CEP295: variants seen among roughly 807,000 people sequenced by gnomAD.
The protein encoded by CEP295 is centrosomal protein of 295 kDa.
CEP295 carries 190 observed loss-of-function variants against 291.6 expected under a neutral mutation model. The ratio of observed to expected loss-of-function variants is 0.65; its 90% CI spans 0.58 to 0.73. CEP295 has a LOEUF of 0.73. Ranked by LOEUF, CEP295 falls within the 30% of genes least tolerant of loss-of-function variation. CEP295 has a pLI of 0.00. For synonymous variants in CEP295, 993 were observed against 1,038.8 expected (o/e 0.96, Z 0.85); for missense variants, 2,863 against 2,949.4 (o/e 0.97, Z 0.68).
intron 5 of CEP295, among the ~76,000 whole-genome samples, chr11:93,675,126 G>A (rs892533649): frequency 4.6e-5 from 7 of 152,086 alleles, no homozygotes; most frequent in Non-Finnish European, 7.4e-5. Context: ...TTCAAAATAC[G>A]TCATTAAACA....
At position 93,728,568 on chromosome 11, in the gene CEP295, T is replaced by C. The variant is rs570829380; in HGVS notation, c.7162-113T>C. 107 of 814,234 alleles carry C rather than the reference T, an allele frequency of 1.3e-4. No homozygotes were observed. The African/African-American group carries it at 1.8e-3, about 14-fold the overall frequency. The allele number at this position is 814,234 out of a possible 1,614,324, so 50.4% of individuals were successfully genotyped here. A position where few individuals can be genotyped will look rare whatever the true frequency, so the allele number is the denominator to read the frequency against. The stretch of plus-strand genomic sequence containing the variant: ...CTTTGCCAATCATTGCTTTTCTTCC[T>C]CCATTTTCACATTTATATACACTTG... On this transcript the variant is annotated intron_variant, in intron 24 of 29. Transcript: ENST00000325212.
chr11:93,715,737 G>A (rs562817749), intron 18 of CEP295, among the ~76,000 whole-genome samples: 18 of 152,220 alleles, frequency 1.2e-4, no homozygotes, highest in Middle Eastern at 6.8e-3. Context: ...CTTGAAGGCA[G>A]CAGGTTCTCT....
intron 12 of CEP295, 136 bp from the exon 13 acceptor site, chr11:93,695,361 A>C: frequency 3.9e-6 from 2 of 510,120 alleles, no homozygotes; most frequent in Non-Finnish European, 6.5e-6. Flanking sequence ...AACAACAGAG[A>C]TAAAGCATCA....
In CEP295 at chr11:93,727,078, C is replaced by G; in HGVS notation, c.6602C>G (p.Ser2201Cys). The G allele has an allele frequency of 6.4e-7, 1 of 1,551,528 alleles. No homozygotes were observed. Among genetic ancestry groups the G allele is most frequent in the Non-Finnish European group, 8.7e-7 (1 of 1,146,710 alleles). ...PSIFSIEARD[S>C]SQGMKNQNYP... The stretch of plus-strand genomic sequence containing the variant: ...ATTTTTAGCATTGAAGCAAGAGATT[C>G]TTCCCAAGGCATGAAAAATCAGAAC... Residue 2201 changes from serine (S) to cysteine (C), a missense_variant, in exon 24 of 30, where the codon TCT (serine) becomes TGT (cysteine). By Grantham distance (112) the Ser-to-Cys change is moderately radical. Around this residue, in one of 3 missense-constraint regions of CEP295, gnomAD observed 2,295 missense variants for 2,335.7 expected, o/e 0.98. Transcript: ENST00000325212.
At chr11:93,671,909 G>A (rs558896207) in intron 5 of CEP295, among the ~76,000 whole-genome samples, 5 of 152,214 alleles carry the variant, frequency 3.3e-5, no homozygotes, top group African/African-American at 1.2e-4. Flanking sequence ...TCAAACCAAG[G>A]TCTTTCCTTA....
intron 14 of CEP295, 68 bp downstream of exon 14, chr11:93,696,485 T>C: frequency 8.7e-7 from 1 of 1,143,240 alleles, no homozygotes; most frequent in Non-Finnish European, 1.3e-6. Flanking sequence ...TTGTTTCATT[T>C]ATATGAGGAT....
chr11:93,694,492 A>G (rs1001456088), intron 12 of CEP295, among the ~76,000 whole-genome samples: 1 of 152,180 alleles, frequency 6.6e-6, no homozygotes, highest in African/African-American at 2.4e-5. Context: ...ACTAAAAGGA[A>G]GCACTTTACA....
At chr11:93,687,156 C>G (rs2186685) in intron 9 of CEP295, among the ~76,000 whole-genome samples, 52,832 of 151,996 alleles carry the variant, frequency 0.35, 9,822 homozygotes, top group South Asian at 0.49. Context: ...CCAGATAGTG[C>G]CAAGAATAAT....
At position 93,683,159 on chromosome 11, in the gene CEP295, G is replaced by A. The variant is rs114183211; in HGVS notation, c.766-400G>A. Among the ~76,000 whole-genome samples, 590 of 152,290 alleles carry A rather than the reference G, an allele frequency of 3.9e-3. 3 individuals are homozygous for A. Among genetic ancestry groups the A allele is most frequent in the African/African-American group, 0.014 (574 of 41,552 alleles). ...GGTGCTTACCTGAGATAGGTATATGGAGAACTGGAACAAAGTACATCACAG... is the reference window on the plus strand; with the variant it reads ...GGTGCTTACCTGAGATAGGTATATGAAGAACTGGAACAAAGTACATCACAG... On this transcript the variant is annotated intron_variant, in intron 7 of 29. Coordinates refer to ENST00000325212, the MANE Select transcript of CEP295 (RefSeq NM_033395.2).
intron 7 of CEP295, among the ~76,000 whole-genome samples, chr11:93,681,122 A>G (rs1289712540): frequency 2.6e-5 from 4 of 152,220 alleles, no homozygotes; most frequent in African/African-American, 9.6e-5. Context: ...AATGTTTAGT[A>G]GTTAAGCAAG....
rs1475318417 is a variant in CEP295, at chr11:93,724,376, G to A, written c.6318+1G>A. The stretch of plus-strand genomic sequence containing the variant: ...TCCAGACAACAGAGACTTTTACCAG[G>A]TATATTAAAGTAGATGTCCCATTGC... On this transcript the variant is annotated splice_donor_variant, in intron 22 of 29. Transcript: ENST00000325212. LOFTEE classifies it high-confidence loss of function. 38 of 1,547,278 alleles carry A rather than the reference G, an allele frequency of 2.5e-5. No homozygotes were observed. The highest frequency in any genetic ancestry group is 3.2e-5 in the Non-Finnish European group (37 of 1,144,358).
chr11:93,699,934 C>G lies in CEP295; in HGVS notation c.5022C>G (p.Ser1674=). 3.2e-6 allele frequency: 5 copies of G among 1,551,708 alleles called. No homozygotes were observed. The highest frequency in any genetic ancestry group is 4.4e-6 in the Non-Finnish European group (5 of 1,146,986). ...KPKSTCELYS[S]QNEHAAPPSN... ...AAAGCACTTGTGAATTGTATTCATC[C>G]CAGAATGAACATGCAGCCCCCCCAA... The change falls in exon 15 of 30, where the codon TCC becomes TCG. Residue 1674 remains serine, a synonymous_variant. Coordinates refer to ENST00000325212, the MANE Select transcript of CEP295 (RefSeq NM_033395.2).
At chr11:93,717,351 A>T (rs1396648910) in intron 18 of CEP295, among the ~76,000 whole-genome samples, 1 of 152,194 alleles carries the variant, frequency 6.6e-6, no homozygotes, top group Non-Finnish European at 1.5e-5. Flanking sequence ...ACGCACCTAT[A>T]GTTGAACAAA....
At chr11:93,687,569 G>A (rs1034668773) in intron 9 of CEP295, 75 bp from the exon 10 acceptor site, 13 of 773,632 alleles carry the variant, frequency 1.7e-5, no homozygotes, top group Admixed American at 8.4e-5. Context: ...AGCAGTAACC[G>A]AATATAAGAT....
At chr11:93,692,155 T>TA in intron 12 of CEP295, 125 bp downstream of exon 12, 1 of 605,842 alleles carries the variant, frequency 1.7e-6, no homozygotes, top group Non-Finnish European at 2.9e-6. Context: ...GACATTGTCT[T>TA]ACACAAACAT....
At position 93,698,616 on chromosome 11, in the gene CEP295, A is replaced by G. The variant is rs1344231936; in HGVS notation, c.3704A>G (p.Lys1235Arg). The change falls in exon 15 of 30, where the codon AAG (lysine) becomes AGG (arginine). Residue 1235 changes from lysine (K) to arginine (R), a missense_variant. Transcript: ENST00000325212. ...AGTACCATTCCCTTAAGCCATCCTA[A>G]GATCCCAAGATGTCAGGAAAGACTT... ...SDSTIPLSHPKIPRCQERLLR... is the reference protein window; with the variant it reads ...SDSTIPLSHPRIPRCQERLLR... 1 of 1,551,578 alleles carries G rather than the reference A, an allele frequency of 6.4e-7. No homozygotes were observed. The highest frequency in any genetic ancestry group is 1.2e-5 in the South Asian group (1 of 84,058).
chr11:93,663,017 C>G (rs1376632272), intron 1 of CEP295, among the ~76,000 whole-genome samples: 1 of 152,180 alleles, frequency 6.6e-6, no homozygotes, highest in African/African-American at 2.4e-5. Flanking sequence ...CAACAAAGTA[C>G]TTGGCCAGTA....
At position 93,730,325 on chromosome 11, in the gene CEP295, ATTAT is replaced by A; in HGVS notation, c.*60_*63del. 8.2e-7 allele frequency: 1 copy of A among 1,213,402 alleles called. No homozygotes were observed. The highest frequency in any genetic ancestry group is 2.7e-4 in the Middle Eastern group (1 of 3,744). The allele number at this position is 1,213,402 out of a possible 1,614,324, so 75.2% of individuals were successfully genotyped here. A position where few individuals can be genotyped will look rare whatever the true frequency, so the allele number is the denominator to read the frequency against. ...TTGTGTATATGTAGCATTAGACAAA[ATTAT>A]TTAAAGTCAATAAATTGTTATTCGA... On this transcript the variant is annotated 3_prime_UTR_variant, in exon 30 of 30. Coordinates refer to ENST00000325212, the MANE Select transcript of CEP295 (RefSeq NM_033395.2).
intron 7 of CEP295, among the ~76,000 whole-genome samples, chr11:93,681,402 A>AGT (rs1950953797): frequency 6.8e-5 from 1 of 14,752 alleles, no homozygotes; most frequent in African/African-American, 1.5e-4. Context: ...ACACCCAGCT[A>AGT]ATTTTTTTTT....
Sources: allele counts gnomAD v4.1 joint callset (sites outside exome capture counted in the v4.1 genomes callset), GRCh38; gene constraint gnomAD v4.1.1; regional missense constraint gnomAD v4.1.1; transcripts MANE v1.5; gene names NCBI Gene and HGNC (gene_info 2026-07-23, HGNC 2026-07-21).